The following KCNMA1 variants were observed in gnomAD, a reference collection of about 807,000 sequenced individuals.
The protein encoded by KCNMA1 is potassium calcium-activated channel subfamily M alpha 1.
In KCNMA1, 29 loss-of-function variants were observed where a neutral mutation model predicts 140.0. That is an observed-to-expected ratio of 0.21 (90% CI 0.15 to 0.28). KCNMA1 has a LOEUF of 0.28. Among genes scored for constraint, KCNMA1 ranks in the 10% least tolerant of loss-of-function variants. KCNMA1 has a pLI of 1.00. For missense variants in KCNMA1, 880 were observed against 1,602.2 expected (o/e 0.55, Z 7.70); for synonymous variants, 612 against 611.9 (o/e 1.00, Z 0.00).
intron 5 of KCNMA1, among the ~76,000 whole-genome samples, chr10:77,152,679 T>C (rs1392044846): frequency 6.6e-6 from 1 of 152,108 alleles, no homozygotes; most frequent in Admixed American, 6.5e-5. Flanking sequence ...TTACGACCTG[T>C]AGACAGGCCC....
chr10:77,359,887 G>A lies in KCNMA1; in HGVS notation c.540+43975C>T, dbSNP rs188890416. On this transcript the variant is annotated intron_variant, in intron 2 of 27. Transcript: ENST00000286628. ...TAGAACAGTGCCTGGCACACAGTAG[G>A]TGCCCAGTGGACATTCGCTGAAAGA... Among the ~76,000 whole-genome samples, 455 of 152,348 alleles carry A rather than the reference G, an allele frequency of 3.0e-3. 8 individuals carry two copies. Among genetic ancestry groups the A allele is most frequent in the Middle Eastern group, 0.027 (8 of 294 alleles).
intron 5 of KCNMA1, among the ~76,000 whole-genome samples, chr10:77,144,440 A>G (rs2098248879): frequency 1.3e-5 from 2 of 152,172 alleles, no homozygotes; most frequent in Admixed American, 1.3e-4. Flanking sequence ...GCAGATATTG[A>G]CAGAAATGAG....
chr10:76,913,967 C>T (rs751336118), intron 24 of KCNMA1: 32 of 965,738 alleles, frequency 3.3e-5, no homozygotes, highest in Admixed American at 4.2e-5. Flanking sequence ...CTGTTACAGC[C>T]GGTGAAATAA....
At chr10:77,637,214 C>T (rs745505277) in intron 1 of KCNMA1, 51 bp downstream of exon 1, 4 of 1,508,094 alleles carry the variant, frequency 2.7e-6, no homozygotes, top group Admixed American at 3.8e-5. Context: ...CAGGGGACGC[C>T]GAGAAGCGGT....
At chr10:77,457,962 G>A (rs907957108) in intron 1 of KCNMA1, among the ~76,000 whole-genome samples, 14 of 151,634 alleles carry the variant, frequency 9.2e-5, no homozygotes, top group Non-Finnish European at 2.1e-4. Flanking sequence ...CAAATGTAAG[G>A]CCCAGAGCAG....
At chr10:77,106,650 C>T (rs766236551) in intron 9 of KCNMA1, among the ~76,000 whole-genome samples, 1 of 152,084 alleles carries the variant, frequency 6.6e-6, no homozygotes, top group African/African-American at 2.4e-5. Context: ...CTGGCGGAGA[C>T]GTCAGAAGAT....
chr10:76,998,618 G>A (rs1444275131), intron 19 of KCNMA1, among the ~76,000 whole-genome samples: 1 of 152,058 alleles, frequency 6.6e-6, no homozygotes, highest in African/African-American at 2.4e-5. Context: ...TTGATTCAAG[G>A]GCCCTTCTCC....
At position 77,001,960 on chromosome 10, in the gene KCNMA1, A is replaced by T. The variant is rs146098570; in HGVS notation, c.2093-380T>A. On this transcript the variant is annotated intron_variant, in intron 18 of 27. Transcript: ENST00000286628. ...CTGATATGATTAATACAGGAGGACAAAATATACACACTGCCAATCAATGAA... is the reference window on the plus strand; with the variant it reads ...CTGATATGATTAATACAGGAGGACATAATATACACACTGCCAATCAATGAA... 2.4e-3 allele frequency among the ~76,000 whole-genome samples: 367 copies of T among 152,320 alleles called. 4 individuals are homozygous for T. Among genetic ancestry groups the T allele is most frequent in the African/African-American group, 8.6e-3 (358 of 41,580 alleles).
chr10:77,490,037 A>G (rs1438156208), intron 1 of KCNMA1, among the ~76,000 whole-genome samples: 1 of 152,196 alleles, frequency 6.6e-6, no homozygotes, highest in Non-Finnish European at 1.5e-5. Context: ...TATCCTGTGT[A>G]TTATAAGATG....
In KCNMA1 at chr10:76,956,939, G is replaced by A. The variant is rs369400036; in HGVS notation, c.2361-3015C>T. ...AGATCGTGTCCATCCTGGCTAACACGGTGAAACCCCATCTCTATTAAAAAT... is the reference window on the plus strand; with the variant it reads ...AGATCGTGTCCATCCTGGCTAACACAGTGAAACCCCATCTCTATTAAAAAT... On this transcript the variant is annotated intron_variant, in intron 20 of 27. Coordinates refer to ENST00000286628, the MANE Select transcript of KCNMA1 (RefSeq NM_001161352.2). Among the ~76,000 whole-genome samples the A allele has an allele frequency of 2.7e-4, 41 of 151,802 alleles. No homozygotes were observed. In the South Asian group the frequency reaches 4.4e-3, roughly 16 times the overall value.
chr10:77,348,871 G>T (rs911609964), intron 2 of KCNMA1, among the ~76,000 whole-genome samples: 1 of 151,930 alleles, frequency 6.6e-6, no homozygotes, highest in Non-Finnish European at 1.5e-5. Context: ...GCAAAGGAAG[G>T]TGCTGGAATT....
intron 20 of KCNMA1, among the ~76,000 whole-genome samples, chr10:76,962,914 C>A (rs1365133983): frequency 2.6e-5 from 4 of 152,172 alleles, no homozygotes; most frequent in Non-Finnish European, 5.9e-5. Context: ...TATCTTGCAA[C>A]AATTTGTTTT....
intron 19 of KCNMA1, among the ~76,000 whole-genome samples, chr10:76,976,453 A>T (rs2077555762): frequency 6.6e-6 from 1 of 152,202 alleles, no homozygotes; most frequent in South Asian, 2.1e-4. Context: ...TACTATATAA[A>T]TATATGAACA....
At chr10:77,221,438 C>T (rs2049636125) in intron 3 of KCNMA1, among the ~76,000 whole-genome samples, 1 of 152,012 alleles carries the variant, frequency 6.6e-6, no homozygotes, top group Non-Finnish European at 1.5e-5. Flanking sequence ...CAAAAAAAAT[C>T]AGAAAGAATG....
At chr10:76,923,872 G>A (rs2056825689) in intron 23 of KCNMA1, among the ~76,000 whole-genome samples, 1 of 152,082 alleles carries the variant, frequency 6.6e-6, no homozygotes. Flanking sequence ...GGGCATGGTA[G>A]GGTGTGCCTG....
intron 5 of KCNMA1, among the ~76,000 whole-genome samples, chr10:77,127,264 A>C (rs1338219009): frequency 1.3e-5 from 2 of 152,094 alleles, no homozygotes; most frequent in African/African-American, 4.8e-5. Flanking sequence ...TTTTTAAAAA[A>C]TACGTACACA....
chr10:77,308,317 C>T (rs1601989374), intron 2 of KCNMA1, among the ~76,000 whole-genome samples: 1 of 152,184 alleles, frequency 6.6e-6, no homozygotes, highest in South Asian at 2.1e-4. Context: ...GACCTTGTCA[C>T]TGAAGTTCAC....
At chr10:77,524,832 A>G (rs115892147) in intron 1 of KCNMA1, among the ~76,000 whole-genome samples, 158 of 152,320 alleles carry the variant, frequency 1.0e-3, no homozygotes, top group African/African-American at 3.6e-3. Context: ...GACTACTCAG[A>G]GGGTTATGCG....
At chr10:77,480,386 G>A (rs959825897) in intron 1 of KCNMA1, among the ~76,000 whole-genome samples, 2 of 152,136 alleles carry the variant, frequency 1.3e-5, no homozygotes, top group Admixed American at 1.3e-4. Context: ...TAAAACCCTG[G>A]TCTGAACCAG....
Sources: allele counts gnomAD v4.1 joint callset (sites outside exome capture counted in the v4.1 genomes callset), GRCh38; gene constraint gnomAD v4.1.1; transcripts MANE v1.5; gene names NCBI Gene and HGNC (gene_info 2026-07-23, HGNC 2026-07-21).